The following BCL7A variants were observed in gnomAD, a reference collection of about 807,000 sequenced individuals.
BCL7A encodes the protein BAF chromatin remodeling complex subunit BCL7A.
A neutral mutation model predicts 28.4 loss-of-function variants in BCL7A; 11 were observed. That is an observed-to-expected ratio of 0.39 (90% CI 0.24 to 0.64). The LOEUF (loss-of-function observed/expected upper bound fraction) is 0.64. Ranked by LOEUF, BCL7A falls within the 30% of genes least tolerant of loss-of-function variation. The pLI is 0.50. For synonymous variants in BCL7A, 123 were observed against 103.3 expected, an observed-to-expected ratio of 1.19 and a Z score of -1.15; for missense variants, 222 against 274.8, an observed-to-expected ratio of 0.81 and a Z score of 1.36.
At position 122,022,014 on chromosome 12, in the gene BCL7A, G is replaced by C; in HGVS notation, c.-78G>C. 2 of 1,281,330 alleles carry C rather than the reference G, an allele frequency of 1.6e-6. No homozygotes were observed. The highest frequency in any genetic ancestry group is 2.1e-6 in the Non-Finnish European group (2 of 935,856). 79.4% of individuals were successfully genotyped at this position (1,281,330 alleles called of 1,614,324 possible). On this transcript the variant is annotated 5_prime_UTR_variant, in exon 1 of 6. Coordinates refer to ENST00000261822, the MANE Select transcript of BCL7A (RefSeq NM_001024808.3). ...TGCGCGAGTGAGTGAGCGGCGGGCG[G>C]GCGCGAGTGTGGCCGCCGCGGAGCG... is the stretch of plus-strand genomic sequence containing the variant.
intron 1 of BCL7A, among the ~76,000 whole-genome samples, chr12:122,024,130 A>T (rs960528384): frequency 6.6e-6 from 1 of 152,176 alleles, no homozygotes; most frequent in Non-Finnish European, 1.5e-5. Flanking sequence ...CGCGGGGACC[A>T]GGCCTGTAGT....
At chr12:122,035,553 G>T in intron 3 of BCL7A, 126 bp downstream of exon 3, 2 of 767,286 alleles carry the variant, frequency 2.6e-6, no homozygotes, top group African/African-American at 1.8e-5. Context: ...GGCTGGGCAG[G>T]GCCCGGCGGC....
intron 1 of BCL7A, 112 bp downstream of exon 1, chr12:122,022,295 C>A: frequency 1.8e-6 from 1 of 555,646 alleles, no homozygotes; most frequent in Non-Finnish European, 2.3e-6. Flanking sequence ...CCCAGCCCCG[C>A]CGCGGGCCCC....
At chr12:122,031,432 T>A (rs964236677) in intron 2 of BCL7A, among the ~76,000 whole-genome samples, 1 of 152,146 alleles carries the variant, frequency 6.6e-6, no homozygotes, top group Non-Finnish European at 1.5e-5. Context: ...CCCACCTTTG[T>A]GGTTCTGTTC....
chr12:122,044,085 G>A, intron 4 of BCL7A, 32 bp downstream of exon 4: 2 of 1,593,972 alleles, frequency 1.3e-6, no homozygotes, highest in South Asian at 1.1e-5. Flanking sequence ...GGCTCTGACG[G>A]CCTCCCTGTA....
chr12:122,035,101 C>A (rs1306402452), intron 2 of BCL7A, among the ~76,000 whole-genome samples: 1 of 152,208 alleles, frequency 6.6e-6, no homozygotes, highest in Non-Finnish European at 1.5e-5. Flanking sequence ...CTGGGCCAGC[C>A]TCAGAACCCT....
intron 4 of BCL7A, among the ~76,000 whole-genome samples, chr12:122,045,074 G>GT (rs981388448): frequency 4.6e-5 from 7 of 152,164 alleles, no homozygotes; most frequent in African/African-American, 1.4e-4. Context: ...GTAAGAGTGA[G>GT]TGAGGAGCTG....
At chr12:122,026,646 G>C (rs2135839018) in intron 1 of BCL7A, among the ~76,000 whole-genome samples, 1 of 152,326 alleles carries the variant, frequency 6.6e-6, no homozygotes, top group Non-Finnish European at 1.5e-5. Flanking sequence ...TTCCTACTGG[G>C]CACATGGCAG....
chr12:122,023,488 A>G (rs2135834610), intron 1 of BCL7A, among the ~76,000 whole-genome samples: 1 of 152,272 alleles, frequency 6.6e-6, no homozygotes, highest in African/African-American at 2.4e-5. Context: ...GTCCTTTCTG[A>G]GTCAAACCCA....
intron 1 of BCL7A, among the ~76,000 whole-genome samples, chr12:122,027,029 G>C (rs536121152): frequency 1.3e-5 from 2 of 152,360 alleles, no homozygotes; most frequent in African/African-American, 4.8e-5. Flanking sequence ...GTCAGGGTAA[G>C]GTGACGGGGC....
At chr12:122,054,726 G>A (rs1884272836) in intron 4 of BCL7A, 79 bp from the exon 5 acceptor site, 2 of 1,421,128 alleles carry the variant, frequency 1.4e-6, no homozygotes, top group South Asian at 2.5e-5. Flanking sequence ...CCGATTCAAG[G>A]TATTTTCAGT....
rs1350619077 is a variant in BCL7A at position 122,058,368 on chromosome 12, C to CA, written c.562-718dup. On this transcript the variant is annotated intron_variant, in intron 5 of 5. Coordinates refer to ENST00000261822, the MANE Select transcript of BCL7A (RefSeq NM_001024808.3). ...TGAAACCCTGTCTCTACCAAAAATA[C>CA]AAAAAATTAGCCAGGCATGGTGGTG... Among the ~76,000 whole-genome samples, 3 of 150,312 alleles carry CA rather than the reference C, an allele frequency of 2.0e-5. No homozygotes were observed. In the East Asian group the frequency reaches 5.9e-4, roughly 30 times the overall value.
At position 122,059,131 on chromosome 12, in the gene BCL7A, G is replaced by C. The variant is rs1384271219; in HGVS notation, c.601G>C (p.Glu201Gln). 1 of 1,612,686 alleles carries C rather than the reference G, an allele frequency of 6.2e-7. No individual in the cohort carries two copies. Among genetic ancestry groups the C allele is most frequent in the Non-Finnish European group, 8.5e-7 (1 of 1,178,812 alleles). ...GVPPSKKMKL[E>Q]ASQQNSEEM ...GCCACCCTCTAAAAAGATGAAACTG[G>C]AGGCCTCTCAACAAAACTCCGAAGA... Residue 201 changes from glutamate (E) to glutamine (Q), a missense_variant, in exon 6 of 6, where the codon GAG becomes CAG. Physicochemically the swap from Glu to Gln is conservative, Grantham distance 29. This residue lies in a region of BCL7A where 155 missense variants were observed against 145.7 expected (regional missense o/e 1.06). Coordinates refer to ENST00000261822, the MANE Select transcript of BCL7A (RefSeq NM_001024808.3). The surrounding 1 kb of genome is among the most constrained non-coding windows in gnomAD (Gnocchi z 4.0).
intron 1 of BCL7A, among the ~76,000 whole-genome samples, chr12:122,028,079 G>A (rs1203176081): frequency 6.6e-6 from 1 of 152,118 alleles, no homozygotes; most frequent in Non-Finnish European, 1.5e-5. Context: ...GAGCTCCATG[G>A]CCCCTCCGGG....
chr12:122,030,075 G>C (rs1305991630), intron 1 of BCL7A, among the ~76,000 whole-genome samples: 1 of 152,148 alleles, frequency 6.6e-6, no homozygotes, highest in Non-Finnish European at 1.5e-5. Flanking sequence ...CCCTGAATCA[G>C]GGGTGCAGTT....
intron 5 of BCL7A, among the ~76,000 whole-genome samples, chr12:122,057,249 G>A (rs946579206): frequency 2.2e-4 from 34 of 152,334 alleles, no homozygotes; most frequent in Admixed American, 1.4e-3. Context: ...GAGACCTCAA[G>A]ACAGGAGCCA....
chr12:122,049,541 G>T (rs1884149362), intron 4 of BCL7A, among the ~76,000 whole-genome samples: 2 of 152,106 alleles, frequency 1.3e-5, no homozygotes, highest in South Asian at 4.1e-4. Flanking sequence ...AAATAGCCCG[G>T]TGTGGTGGTG....
intron 2 of BCL7A, among the ~76,000 whole-genome samples, chr12:122,032,947 G>T (rs1337872093): frequency 6.6e-6 from 1 of 152,202 alleles, no homozygotes; most frequent in Non-Finnish European, 1.5e-5. Flanking sequence ...AGTCTCTGCA[G>T]GTTGAGGCTG....
intron 1 of BCL7A, among the ~76,000 whole-genome samples, chr12:122,023,955 G>A (rs528018184): frequency 6.6e-6 from 1 of 152,262 alleles, no homozygotes; most frequent in Admixed American, 6.5e-5. Flanking sequence ...AGGCGTGGTG[G>A]GGCCTCCTAC....
Sources: allele counts gnomAD v4.1 joint callset (sites outside exome capture counted in the v4.1 genomes callset), GRCh38; gene constraint gnomAD v4.1.1; regional missense constraint gnomAD v4.1.1; non-coding constraint Gnocchi (gnomAD v3.1); transcripts MANE v1.5; gene names NCBI Gene and HGNC (gene_info 2026-07-23, HGNC 2026-07-21).